NFIA: variants seen among roughly 807,000 people sequenced by gnomAD.
The protein encoded by NFIA is nuclear factor 1 A-type.
A neutral mutation model predicts 62.8 loss-of-function variants in NFIA; 8 were observed. The observed-to-expected ratio is 0.13, with a 90% CI of 0.07 to 0.23. The LOEUF is 0.23. NFIA is among the 10% of genes least tolerant of loss of function. The pLI, the probability that NFIA is intolerant of heterozygous loss-of-function variation, is 1.00. For synonymous variants in NFIA, 235 were observed against 238.1 expected (o/e 0.99, Z 0.12); for missense variants, 410 against 642.1 (o/e 0.64, Z 3.91).
chr1:61,317,487 T>A (rs1405881447), intron 3 of NFIA, among the ~76,000 whole-genome samples: 1 of 152,076 alleles, frequency 6.6e-6, no homozygotes, highest in Non-Finnish European at 1.5e-5. Flanking sequence ...AATATGATTA[T>A]ATTTAGGAAT....
intron 2 of NFIA, chr1:61,251,174 T>G (rs1386180220): frequency 6.6e-6 from 1 of 152,236 alleles, no homozygotes; most frequent in African/African-American, 2.4e-5. Flanking sequence ...TTAACTAAAG[T>G]GTATGTGTGT....
chr1:61,191,418 G>T (rs1651610405), intron 2 of NFIA, among the ~76,000 whole-genome samples: 1 of 151,932 alleles, frequency 6.6e-6, no homozygotes, highest in Non-Finnish European at 1.5e-5. Flanking sequence ...GAGAATCTGG[G>T]TGCCTGTTCC....
intron 2 of NFIA, among the ~76,000 whole-genome samples, chr1:61,235,188 C>G (rs1039920267): frequency 1.3e-5 from 2 of 152,142 alleles, no homozygotes; most frequent in African/African-American, 4.8e-5. Flanking sequence ...AGGGGCTGGG[C>G]GCGGTGGCTC....
intron 2 of NFIA, among the ~76,000 whole-genome samples, chr1:61,159,341 C>T (rs981908769): frequency 6.6e-6 from 1 of 152,110 alleles, no homozygotes; most frequent in Non-Finnish European, 1.5e-5. Context: ...ATTAGATGAC[C>T]TGGTTTCTAG....
At chr1:61,227,468 G>A (rs760927126) in intron 2 of NFIA, among the ~76,000 whole-genome samples, 1 of 152,136 alleles carries the variant, frequency 6.6e-6, no homozygotes, top group Non-Finnish European at 1.5e-5. Context: ...GATAGAGAAA[G>A]CTTTACTCCT....
chr1:61,219,706 T>C (rs1174710696), intron 2 of NFIA, among the ~76,000 whole-genome samples: 1 of 77,666 alleles, frequency 1.3e-5, no homozygotes, highest in African/African-American at 7.1e-5. Context: ...AGAGCGAGAC[T>C]CCGTCTCAAA....
In NFIA at chr1:61,334,535, A is replaced by ATGTGTGTGTG. The variant is rs35661377; in HGVS notation, c.700+1961_700+1970dup. Among the ~76,000 whole-genome samples the ATGTGTGTGTG allele has an allele frequency of 1.7e-3, 101 of 58,474 alleles. 5 individuals carry two copies. The highest frequency in any genetic ancestry group is 9.9e-3 in the African/African-American group (86 of 8,646). 38.4% of individuals were successfully genotyped at this position (58,474 alleles called of 152,430 possible). ...GGGGAGTATTTGTGTGTGTGTATAT[A>ATGTGTGTGTG]TGTGTGTGTGTGTGTGTGTGTATAT... On this transcript the variant is annotated intron_variant, in intron 4 of 10. Transcript: ENST00000403491.
chr1:61,227,319 T>G (rs902958780), intron 2 of NFIA, among the ~76,000 whole-genome samples: 38 of 152,124 alleles, frequency 2.5e-4, no homozygotes, highest in Admixed American at 2.3e-3. Context: ...TTTTGTTTAG[T>G]TTAGAAATTG....
intron 3 of NFIA, among the ~76,000 whole-genome samples, chr1:61,304,667 A>ATTT (rs55774470): frequency 6.6e-6 from 1 of 151,266 alleles, no homozygotes; most frequent in African/African-American, 2.4e-5. Flanking sequence ...CTAAGATCTG[A>ATTT]TTTTTTTTTT....
At chr1:61,191,881 C>G (rs1248758912) in intron 2 of NFIA, among the ~76,000 whole-genome samples, 1 of 152,296 alleles carries the variant, frequency 6.6e-6, no homozygotes, top group East Asian at 1.9e-4. Context: ...TGGCCTTGCC[C>G]TTACAGAGAC....
chr1:61,347,027 C>T (rs1662265449), intron 4 of NFIA, among the ~76,000 whole-genome samples: 1 of 152,058 alleles, frequency 6.6e-6, no homozygotes, highest in Non-Finnish European at 1.5e-5. Context: ...CTGGTCCCAC[C>T]CTTGACATGT....
intron 2 of NFIA, among the ~76,000 whole-genome samples, chr1:61,220,064 A>G (rs772301777): frequency 4.6e-5 from 7 of 152,374 alleles, no homozygotes; most frequent in Admixed American, 1.3e-4. Flanking sequence ...TTTTCCGCCA[A>G]TGATAGGGAG....
intron 3 of NFIA, among the ~76,000 whole-genome samples, chr1:61,315,904 C>G (rs973010731): frequency 2.0e-5 from 3 of 152,120 alleles, no homozygotes; most frequent in Non-Finnish European, 4.4e-5. Flanking sequence ...AGTCTGTGGA[C>G]TTTTAGGTAC....
At chr1:61,174,480 G>A (rs1242265492) in intron 2 of NFIA, among the ~76,000 whole-genome samples, 2 of 152,236 alleles carry the variant, frequency 1.3e-5, no homozygotes, top group African/African-American at 2.4e-5. Context: ...GCAAGGGGCA[G>A]AGAGATGGTA....
intron 2 of NFIA, among the ~76,000 whole-genome samples, chr1:61,180,903 T>TG (rs1464736723): frequency 6.6e-6 from 1 of 152,232 alleles, no homozygotes; most frequent in Non-Finnish European, 1.5e-5. Context: ...TTTAGAATCT[T>TG]TATTTCTCCA....
At chr1:61,210,202 C>T (rs1341748936) in intron 2 of NFIA, among the ~76,000 whole-genome samples, 2 of 152,104 alleles carry the variant, frequency 1.3e-5, no homozygotes, top group Non-Finnish European at 1.5e-5. Context: ...CTGCAGCAGG[C>T]AATGTGGTTT....
intron 3 of NFIA, among the ~76,000 whole-genome samples, chr1:61,324,021 C>G (rs960623084): frequency 2.6e-5 from 4 of 152,142 alleles, no homozygotes. Flanking sequence ...TGAATAGTGT[C>G]TCCTGAGCAC....
chr1:61,376,674 T>C (rs1314796770), intron 6 of NFIA, among the ~76,000 whole-genome samples: 1 of 152,076 alleles, frequency 6.6e-6, no homozygotes, highest in Admixed American at 6.6e-5. Flanking sequence ...GATAACCAAA[T>C]TTAAAACTTC....
intron 2 of NFIA, among the ~76,000 whole-genome samples, chr1:61,170,781 G>A (rs895134967): frequency 2.2e-4 from 33 of 152,164 alleles, no homozygotes; most frequent in African/African-American, 7.5e-4. Context: ...CCTTTTTAAC[G>A]GCTGGACACT....
Sources: allele counts gnomAD v4.1 joint callset (sites outside exome capture counted in the v4.1 genomes callset), GRCh38; gene constraint gnomAD v4.1.1; transcripts MANE v1.5; gene names NCBI Gene and HGNC (gene_info 2026-07-23, HGNC 2026-07-21).